The following DMD variants were observed in gnomAD, a reference collection of about 807,000 sequenced individuals.
DMD encodes the protein mutant dystrophin.
Under a neutral mutation model 330.1 loss-of-function variants are expected in DMD, and 63 were observed. That is an observed-to-expected ratio of 0.19 (90% CI 0.16 to 0.24). The LOEUF is 0.24. DMD is among the 10% of genes least tolerant of loss of function. The probability of loss-of-function intolerance (pLI) is 1.00; values close to 1 mark genes in which losing one functional copy is unlikely to be tolerated. For synonymous variants in DMD, 1,223 were observed against 959.8 expected (o/e 1.27, Z -5.07); for missense variants, 3,344 against 2,684.1 (o/e 1.25, Z -5.43).
intron 48 of DMD, among the ~76,000 whole-genome samples, chrX:31,864,004 C>T (rs753192519): frequency 1.6e-4 from 18 of 110,817 alleles, no homozygotes; most frequent in African/African-American, 4.9e-4. Context: ...CATTATATTG[C>T]AATGGTATTT....
At chrX:32,329,729 T>C (rs746409374) in intron 41 of DMD, among the ~76,000 whole-genome samples, 2 of 112,548 alleles carry the variant, frequency 1.8e-5, no homozygotes, top group East Asian at 5.6e-4. Flanking sequence ...TTATTTTTCA[T>C]CACCCAGATA....
At chrX:32,938,719 C>T (rs924261303) in intron 2 of DMD, among the ~76,000 whole-genome samples, 1 of 111,280 alleles carries the variant, frequency 9.0e-6, no homozygotes, top group South Asian at 3.7e-4. Context: ...ATTTGCCAAA[C>T]GACTGTATTA....
chrX:33,020,931 G>A (rs748607138), intron 1 of DMD, among the ~76,000 whole-genome samples: 1 of 110,505 alleles, frequency 9.0e-6, no homozygotes, highest in Non-Finnish European at 1.9e-5. Flanking sequence ...CTCTAACATG[G>A]GCCTGATCTC....
At chrX:32,882,652 T>C (rs192748583) in intron 2 of DMD, among the ~76,000 whole-genome samples, 1 of 112,556 alleles carries the variant, frequency 8.9e-6, no homozygotes, top group African/African-American at 3.2e-5. Flanking sequence ...GTGCATTCTT[T>C]CTGTAGATGG....
intron 1 of DMD, among the ~76,000 whole-genome samples, chrX:33,206,048 TG>T (rs1259945788): frequency 6.4e-4 from 72 of 111,895 alleles, no homozygotes; most frequent in Non-Finnish European, 4.5e-4. Flanking sequence ...GCTTTAATAA[TG>T]CATTTTAATG....
At chrX:32,761,624 G>C (rs1394550996) in intron 7 of DMD, among the ~76,000 whole-genome samples, 1 of 111,621 alleles carries the variant, frequency 9.0e-6, no homozygotes, top group Non-Finnish European at 1.9e-5. Flanking sequence ...TGTATGGCGA[G>C]TGCAGCTCCA....
intron 44 of DMD, among the ~76,000 whole-genome samples, chrX:32,073,273 G>A (rs73219203): frequency 9.0e-6 from 1 of 111,450 alleles, no homozygotes; most frequent in Non-Finnish European, 1.9e-5. Context: ...ACTTAGGACG[G>A]GGCATTAATT....
intron 7 of DMD, among the ~76,000 whole-genome samples, chrX:32,751,446 G>T (rs1454846228): frequency 9.0e-6 from 1 of 111,463 alleles, no homozygotes; most frequent in Non-Finnish European, 1.9e-5. Flanking sequence ...AGCTTGAGAG[G>T]GGTGATTTAG....
intron 2 of DMD, among the ~76,000 whole-genome samples, chrX:33,017,463 G>C (rs1016567524): frequency 9.0e-6 from 1 of 110,772 alleles, no homozygotes; most frequent in African/African-American, 3.3e-5. Flanking sequence ...ATGTGTGTGT[G>C]CCTGTGTCTA....
chrX:32,362,766 A>G, intron 37 of DMD, 22 bp downstream of exon 37: 1 of 1,209,779 alleles, frequency 8.3e-7, no homozygotes, highest in Non-Finnish European at 1.1e-6. Flanking sequence ...ACAAGTTTCC[A>G]CCTTGGAGTA....
At chrX:31,332,641 A>G (rs1282186100) in intron 61 of DMD, among the ~76,000 whole-genome samples, 1 of 111,570 alleles carries the variant, frequency 9.0e-6, no homozygotes, top group Non-Finnish European at 1.9e-5. Context: ...CTGATAATCC[A>G]TAATAGTTAC....
chrX:31,750,398 G>A (rs1264052872), intron 51 of DMD, among the ~76,000 whole-genome samples: 3 of 109,197 alleles, frequency 2.7e-5, no homozygotes, highest in Non-Finnish European at 5.7e-5. Context: ...TTATTAAATA[G>A]GGAATCCTTT....
intron 2 of DMD, among the ~76,000 whole-genome samples, chrX:32,943,517 A>C (rs2090572373): frequency 9.0e-6 from 1 of 111,300 alleles, no homozygotes; most frequent in Non-Finnish European, 1.9e-5. Context: ...GTAAAATTTT[A>C]TTTTAAATTT....
intron 44 of DMD, among the ~76,000 whole-genome samples, chrX:32,059,956 C>T (rs1233483760): frequency 9.0e-6 from 1 of 111,306 alleles, no homozygotes; most frequent in Middle Eastern, 4.2e-3. Flanking sequence ...ATTATAAATG[C>T]ATACTCCATC....
chrX:31,884,736 T>C (rs2094126334), intron 47 of DMD, among the ~76,000 whole-genome samples: 1 of 112,161 alleles, frequency 8.9e-6, no homozygotes, highest in Admixed American at 9.4e-5. Context: ...TATGTGATAT[T>C]TCACAATATC....
chrX:32,951,917 G>C (rs2091269693), intron 2 of DMD, among the ~76,000 whole-genome samples: 1 of 110,924 alleles, frequency 9.0e-6, no homozygotes, highest in Non-Finnish European at 1.9e-5. Flanking sequence ...GGGGCCTCTT[G>C]TGCTTTTATA....
At chrX:31,141,181 G>A (rs1045602030) in intron 76 of DMD, among the ~76,000 whole-genome samples, 1 of 108,343 alleles carries the variant, frequency 9.2e-6, no homozygotes, top group African/African-American at 3.5e-5. Flanking sequence ...AATAAAGCGA[G>A]ACTCCGTCTC....
At chrX:33,044,798 C>T (rs2094354707) in intron 1 of DMD, among the ~76,000 whole-genome samples, 1 of 111,845 alleles carries the variant, frequency 8.9e-6, no homozygotes, top group Non-Finnish European at 1.9e-5. Flanking sequence ...ACCTACTTCT[C>T]GTAAGGAAAA....
chrX:33,015,577 C>G (rs1168642881), intron 2 of DMD, among the ~76,000 whole-genome samples: 2 of 110,052 alleles, frequency 1.8e-5, no homozygotes, highest in East Asian at 2.9e-4. Context: ...GGCCTAATAT[C>G]TGGGTGATGA....
Sources: gnomAD v4.1 joint callset for allele counts (sites outside exome capture counted in the v4.1 genomes callset) on GRCh38, gnomAD v4.1.1 for gene constraint, MANE v1.5 for transcripts, NCBI Gene and HGNC (gene_info 2026-07-23, HGNC 2026-07-21) for gene names.